Variants in INPP4B observed in about 807,000 individuals in gnomAD.
INPP4B encodes inositol polyphosphate-4-phosphatase type II B.
INPP4B carries 55 observed loss-of-function variants against 122.5 expected under a neutral mutation model. The ratio of observed to expected loss-of-function variants is 0.45; its 90% CI spans 0.36 to 0.56. The LOEUF is 0.56. Among genes scored for constraint, INPP4B ranks in the 20% least tolerant of loss-of-function variants. INPP4B has a pLI of 0.00. For synonymous variants in INPP4B, 403 were observed against 388.7 expected (o/e 1.04, Z -0.43); for missense variants, 1,000 against 1,097.7 (o/e 0.91, Z 1.26).
chr4:142,205,003 C>T (rs765626440), intron 14 of INPP4B, among the ~76,000 whole-genome samples: 2 of 152,060 alleles, frequency 1.3e-5, no homozygotes, highest in South Asian at 4.2e-4. Flanking sequence ...AACACACAGA[C>T]ACACACACAC....
At chr4:142,083,083 CAG>C (rs1388940933) in intron 24 of INPP4B, among the ~76,000 whole-genome samples, 3 of 147,364 alleles carry the variant, frequency 2.0e-5, no homozygotes, top group Non-Finnish European at 4.5e-5. Context: ...GCCTGGGCAA[CAG>C]AGTGACACCC....
intron 1 of INPP4B, among the ~76,000 whole-genome samples, chr4:142,767,086 G>C (rs546956266): frequency 1.3e-5 from 2 of 152,094 alleles, no homozygotes; most frequent in African/African-American, 4.8e-5. Flanking sequence ...TAATCTAAAC[G>C]CTCATTCCAC....
intron 2 of INPP4B, among the ~76,000 whole-genome samples, chr4:142,619,128 C>T (rs2150364987): frequency 6.6e-6 from 1 of 151,788 alleles, no homozygotes; most frequent in Non-Finnish European, 1.5e-5. Flanking sequence ...TTATTTGTGC[C>T]ATCCTGAGAA....
At chr4:142,333,521 T>C (rs1252438598) in intron 7 of INPP4B, among the ~76,000 whole-genome samples, 1 of 152,236 alleles carries the variant, frequency 6.6e-6, no homozygotes, top group Non-Finnish European at 1.5e-5. Flanking sequence ...ATATATTACC[T>C]ATATGTTATG....
intron 2 of INPP4B, among the ~76,000 whole-genome samples, chr4:142,691,962 T>C (rs888182455): frequency 9.9e-5 from 15 of 152,154 alleles, no homozygotes; most frequent in Non-Finnish European, 1.6e-4. Flanking sequence ...AATTTAAAAA[T>C]CTATGAAGAA....
chr4:142,431,333 TG>T lies in INPP4B; in HGVS notation c.-75del. 8 of 1,008,334 alleles carry T rather than the reference TG, an allele frequency of 7.9e-6. No homozygotes were observed. The South Asian group carries it at 1.1e-4, about 13-fold the overall frequency. The allele number at this position is 1,008,334 out of a possible 1,614,324, so 62.5% of individuals were successfully genotyped here. A position where few individuals can be genotyped will look rare whatever the true frequency, so the allele number is the denominator to read the frequency against. On this transcript the variant is annotated 5_prime_UTR_variant, in exon 4 of 26. Transcript: ENST00000262992. ...TCAGTTCTAGTGATTCCTGGTTTAA[TG>T]TAGATGTATCTTCACACTAAAGATC... is the stretch of plus-strand genomic sequence containing the variant.
At chr4:142,520,306 T>A (rs1260961496) in intron 2 of INPP4B, among the ~76,000 whole-genome samples, 1 of 151,956 alleles carries the variant, frequency 6.6e-6, no homozygotes, top group Non-Finnish European at 1.5e-5. Context: ...TCTGAAACAT[T>A]AAGATAGACA....
chr4:142,773,149 C>G (rs989607736), intron 1 of INPP4B, among the ~76,000 whole-genome samples: 2 of 152,038 alleles, frequency 1.3e-5, no homozygotes, highest in Admixed American at 1.3e-4. Context: ...CTCTTAGAAA[C>G]TGATGCTGGA....
intron 2 of INPP4B, among the ~76,000 whole-genome samples, chr4:142,541,607 G>A (rs1299363879): frequency 6.6e-6 from 1 of 152,168 alleles, no homozygotes; most frequent in Non-Finnish European, 1.5e-5. Context: ...CAGAAATGAA[G>A]CTGAGCTCTT....
intron 12 of INPP4B, among the ~76,000 whole-genome samples, chr4:142,218,623 T>C (rs778372981): frequency 5.3e-5 from 8 of 152,096 alleles, no homozygotes; most frequent in Non-Finnish European, 8.8e-5. Flanking sequence ...AATAGAAATA[T>C]TTTTCCACAA....
Position 142,282,603 on chromosome 4 carries a change from T to C in INPP4B, c.504-11829A>G, listed in dbSNP as rs115461929. Among the ~76,000 whole-genome samples, 455 of 152,246 alleles carry C rather than the reference T, an allele frequency of 3.0e-3. 1 individual carries two copies. Among genetic ancestry groups the C allele is most frequent in the African/African-American group, 0.01 (436 of 41,546 alleles). On this transcript the variant is annotated intron_variant, in intron 9 of 25. Transcript: ENST00000262992. ...TGGTAGAACTTATTTTCTTGTGGCT[T>C]TAAGACTGAGGTTCGCATTTTCTTG...
At chr4:142,686,875 T>C (rs1218578175) in intron 2 of INPP4B, among the ~76,000 whole-genome samples, 1 of 151,958 alleles carries the variant, frequency 6.6e-6, no homozygotes, top group Non-Finnish European at 1.5e-5. Context: ...AGCCAAATCA[T>C]GAAAAACTGG....
intron 2 of INPP4B, among the ~76,000 whole-genome samples, chr4:142,522,720 A>G (rs934849183): frequency 3.3e-5 from 5 of 152,054 alleles, no homozygotes; most frequent in African/African-American, 1.2e-4. Context: ...TGGACACAAT[A>G]AGAACATGGG....
intron 2 of INPP4B, among the ~76,000 whole-genome samples, chr4:142,632,249 C>A (rs1264886644): frequency 6.6e-6 from 1 of 151,786 alleles, no homozygotes; most frequent in Non-Finnish European, 1.5e-5. Flanking sequence ...GAATATTGTT[C>A]AGCCAAAAAA....
intron 2 of INPP4B, among the ~76,000 whole-genome samples, chr4:142,537,421 TATATATATAGAGAGAGAGAGAGAGAG>T (rs1454422540): frequency 1.0e-3 from 55 of 52,878 alleles, no homozygotes; most frequent in African/African-American, 3.5e-3. Context: ...TATATATATA[TATATATATAGAGAGAGAGAGAGAGAG>T]AGAGAGAGAG....
chr4:142,112,093 G>T (rs1207607118), intron 22 of INPP4B, among the ~76,000 whole-genome samples: 4 of 152,082 alleles, frequency 2.6e-5, no homozygotes, highest in Non-Finnish European at 5.9e-5. Context: ...ACAATCATTT[G>T]CTGACTGAGC....
At chr4:142,256,771 G>C (rs1736383528) in intron 11 of INPP4B, among the ~76,000 whole-genome samples, 1 of 152,178 alleles carries the variant, frequency 6.6e-6, no homozygotes, top group Non-Finnish European at 1.5e-5. Flanking sequence ...AATTCTACCA[G>C]ATGTACAAGG....
rs530432344 is a variant in INPP4B, at chr4:142,622,709, T to C, written c.-191+103130A>G. Among the ~76,000 whole-genome samples, 10 of 152,062 alleles carry C rather than the reference T, an allele frequency of 6.6e-5. No individual in the cohort carries two copies. In the East Asian group the frequency reaches 1.4e-3, roughly 21 times the overall value. ...CTTGGTTGATTGGCACAACCAATCA[T>C]GGTCTCTATAGAAAATAGAGTTTAC... is the stretch of plus-strand genomic sequence containing the variant. On this transcript the variant is annotated intron_variant, in intron 2 of 25. Transcript: ENST00000262992.
chr4:142,480,598 A>G (rs931622359), intron 2 of INPP4B, among the ~76,000 whole-genome samples: 1 of 152,236 alleles, frequency 6.6e-6, no homozygotes. Context: ...AGTCCACTAT[A>G]GTTAAATTTT....
Sources: allele counts gnomAD v4.1 joint callset (sites outside exome capture counted in the v4.1 genomes callset), GRCh38; gene constraint gnomAD v4.1.1; transcripts MANE v1.5; gene names NCBI Gene and HGNC (gene_info 2026-07-23, HGNC 2026-07-21).